The following HS1BP3 variants were observed in gnomAD, a reference collection of about 807,000 sequenced individuals.
HS1BP3 encodes HCLS1-binding protein 3.
HS1BP3 carries 32 observed loss-of-function variants against 33.5 expected under a neutral mutation model. The ratio of observed to expected loss-of-function variants is 0.95; its 90% CI spans 0.72 to 1.28. The LOEUF (loss-of-function observed/expected upper bound fraction) is 1.28. Ranked by LOEUF, HS1BP3 falls within the 50% of genes most tolerant of loss-of-function variation. The pLI, the probability that HS1BP3 is intolerant of heterozygous loss-of-function variation, is 0.00. For synonymous variants in HS1BP3, 187 were observed against 209.2 expected, an observed-to-expected ratio of 0.89 and a Z score of 0.92; for missense variants, 486 against 502.3, an observed-to-expected ratio of 0.97 and a Z score of 0.31.
At chr2:20,585,314 C>T (rs1693653917) in intron 5 of HS1BP3, among the ~76,000 whole-genome samples, 1 of 152,196 alleles carries the variant, frequency 6.6e-6, no homozygotes, top group South Asian at 2.1e-4. Flanking sequence ...GGCCATATGC[C>T]CCCATTTGCC....
downstream of HS1BP3, among the ~76,000 whole-genome samples, chr2:20,559,034 C>G (rs1444673730): frequency 1.3e-5 from 2 of 152,178 alleles, no homozygotes. Flanking sequence ...GGACTCACAT[C>G]GTGAGGAGCG....
At chr2:20,603,296 T>A (rs1013945897) in intron 2 of HS1BP3, among the ~76,000 whole-genome samples, 8 of 151,208 alleles carry the variant, frequency 5.3e-5, no homozygotes, top group Non-Finnish European at 1.2e-4. Context: ...AGCAACATTA[T>A]TCACAATAGC....
In HS1BP3 at chr2:20,611,349, T is replaced by A. The variant is rs1371706256; in HGVS notation, c.178+12547A>T. The stretch of plus-strand genomic sequence containing the variant: ...CACTCCCTCCCAAAGTGATTGAGGG[T>A]TGATAAGGAAGCTGGGAAATCCCAA... On this transcript the variant is annotated intron_variant, in intron 2 of 3. Transcript: ENST00000415264. This position sits in a 1 kb window ranked among gnomAD's most constrained non-coding sequence, Gnocchi z 4.9. Among the ~76,000 whole-genome samples, 4 of 152,022 alleles carry A rather than the reference T, an allele frequency of 2.6e-5. No homozygotes were observed. Among genetic ancestry groups the A allele is most frequent in the Non-Finnish European group, 5.9e-5 (4 of 67,996 alleles).
At chr2:20,606,260 G>T in intron 2 of HS1BP3, 3 of 296,342 alleles carry the variant, frequency 1.0e-5, no homozygotes, top group South Asian at 4.3e-5. Flanking sequence ...TTTTCTAAAT[G>T]TACAGTTGGT....
intron 5 of HS1BP3, among the ~76,000 whole-genome samples, chr2:20,576,704 G>A (rs986782852): frequency 2.0e-5 from 3 of 152,244 alleles, no homozygotes; most frequent in African/African-American, 7.2e-5. Context: ...CCTTAATGGG[G>A]CCCACAATCT....
chr2:20,648,627 C>T (rs1387975913), intron 1 of HS1BP3, among the ~76,000 whole-genome samples: 1 of 152,184 alleles, frequency 6.6e-6, no homozygotes, highest in African/African-American at 2.4e-5. Flanking sequence ...CTCCTTCTTC[C>T]TCTCACTGTA....
In HS1BP3 at chr2:20,570,513, C is replaced by A. The variant is rs375360564; in HGVS notation, c.303-9998G>T. On this transcript the variant is annotated intron_variant, in intron 5 of 5. Transcript: ENST00000446825. ...ATGTCGCCTGGCAGCTGAACTTGGT[C>A]ATGGGTATAAAGACAAAAGAGAGCC... Among the ~76,000 whole-genome samples the A allele has an allele frequency of 3.3e-5, 5 of 152,270 alleles. No homozygotes were observed. The East Asian group carries it at 9.7e-4, about 29-fold the overall frequency.
At chr2:20,565,413 G>A (rs1693101766) in intron 5 of HS1BP3, among the ~76,000 whole-genome samples, 3 of 152,166 alleles carry the variant, frequency 2.0e-5, no homozygotes, top group Admixed American at 2.0e-4. Flanking sequence ...GGACCACTCT[G>A]AATGCCATCC....
intron 5 of HS1BP3, among the ~76,000 whole-genome samples, chr2:20,567,858 AGAG>A (rs1693173377): frequency 6.6e-6 from 1 of 152,194 alleles, no homozygotes; most frequent in Non-Finnish European, 1.5e-5. Flanking sequence ...GCTTCAAGAA[AGAG>A]GAGATGAGTT....
At position 20,562,629 on chromosome 2, in the gene HS1BP3, G is replaced by A. The variant is rs944684145; in HGVS notation, c.303-2114C>T. Among the ~76,000 whole-genome samples the A allele has an allele frequency of 7.9e-5, 12 of 152,344 alleles. 1 individual carries two copies. The highest frequency in any genetic ancestry group is 2.6e-4 in the African/African-American group (11 of 41,582). ...GATTTACAGCCAGTCAATCAGAAGC[G>A]AAAGCCACAATGCAGGCTTGCACGA... On this transcript the variant is annotated intron_variant, in intron 5 of 5. Transcript: ENST00000446825.
At chr2:20,586,116 C>T (rs73919928) in intron 5 of HS1BP3, 11,836 of 152,350 alleles carry the variant, frequency 0.078, 637 homozygotes, top group African/African-American at 0.15. Context: ...GTGGCTAAAC[C>T]CATGTGTGTG....
downstream of HS1BP3, among the ~76,000 whole-genome samples, chr2:20,613,925 G>A (rs67364128): frequency 3.9e-5 from 6 of 152,170 alleles, no homozygotes; most frequent in East Asian, 1.9e-4. Flanking sequence ...CCACAAGGAC[G>A]CTGTGAAGGT....
At chr2:20,609,480 C>A (rs1317530997) in intron 2 of HS1BP3, among the ~76,000 whole-genome samples, 1 of 152,132 alleles carries the variant, frequency 6.6e-6, no homozygotes, top group Non-Finnish European at 1.5e-5. Flanking sequence ...CTCTAGGGAG[C>A]ACATTGAACA....
At chr2:20,567,390 C>T (rs759942000) in intron 5 of HS1BP3, among the ~76,000 whole-genome samples, 2 of 152,206 alleles carry the variant, frequency 1.3e-5, no homozygotes, top group African/African-American at 2.4e-5. Flanking sequence ...GCCAGTCAGA[C>T]GCTGGGGAAT....
intron 3 of HS1BP3, chr2:20,640,666 C>T (rs923329568): frequency 1.8e-6 from 1 of 554,850 alleles, no homozygotes; most frequent in Non-Finnish European, 3.3e-6. Flanking sequence ...GGTGCATGGT[C>T]AGTCGGGGGG....
chr2:20,645,218 G>C, intron 2 of HS1BP3, 122 bp downstream of exon 2: 1 of 988,042 alleles, frequency 1.0e-6, no homozygotes, highest in Non-Finnish European at 1.5e-6. Flanking sequence ...TCCAGGCCCT[G>C]AGCAAGCAAC....
rs761266916 is a variant in HS1BP3 at position 20,651,027 on chromosome 2, C to A, written c.32+5G>T. ...TGCGGTGTGGGGCGCGGGGGTCTGG[C>A]TCACCTGGAGGTGACGAGCACCGCC... On this transcript the variant is annotated splice_donor_5th_base_variant and intron_variant, in intron 1 of 6. Coordinates refer to ENST00000304031, the MANE Select transcript of HS1BP3 (RefSeq NM_022460.4). The A allele has an allele frequency of 8.1e-7, 1 of 1,240,464 alleles. No homozygotes were observed. The allele number at this position is 1,240,464 out of a possible 1,614,324, so 76.8% of individuals were successfully genotyped here.
At chr2:20,625,490 A>G (rs1310910568) in intron 4 of HS1BP3, among the ~76,000 whole-genome samples, 1 of 152,252 alleles carries the variant, frequency 6.6e-6, no homozygotes, top group Non-Finnish European at 1.5e-5. Flanking sequence ...TTGAGCCACA[A>G]ACCTCAGGGC....
At chr2:20,606,247 T>C (rs886760358) in intron 2 of HS1BP3, 8 of 265,552 alleles carry the variant, frequency 3.0e-5, no homozygotes, top group African/African-American at 1.8e-4. Context: ...AATAAAGTTT[T>C]ATTTTTCTAA....
Sources: gnomAD v4.1 joint callset for allele counts (sites outside exome capture counted in the v4.1 genomes callset) on GRCh38, gnomAD v4.1.1 for gene constraint, Gnocchi (gnomAD v3.1) non-coding constraint, MANE v1.5 for transcripts, NCBI Gene and HGNC (gene_info 2026-07-23, HGNC 2026-07-21) for gene names.